Variants in DNAH11 observed in about 807,000 individuals in gnomAD.
DNAH11 encodes axonemal beta dynein heavy chain 11.
Under a neutral mutation model 526.0 loss-of-function variants are expected in DNAH11, and 442 were observed. The observed-to-expected ratio is 0.84, with a 90% CI of 0.78 to 0.91. DNAH11 has a LOEUF of 0.91. DNAH11 is among the 40% of genes least tolerant of loss of function. DNAH11 has a pLI of 0.00. For synonymous variants in DNAH11, 2,461 were observed against 1,935.9 expected (o/e 1.27, Z -7.12); for missense variants, 6,989 against 5,448.7 (o/e 1.28, Z -8.90).
In DNAH11 at chr7:21,683,928, A is replaced by G. The variant is rs1783253288; in HGVS notation, c.5605A>G (p.Thr1869Ala). 1 of 1,613,034 alleles carries G rather than the reference A, an allele frequency of 6.2e-7. No individual in the cohort carries two copies. The highest frequency in any genetic ancestry group is 8.5e-7 in the Non-Finnish European group (1 of 1,179,458). The change falls in exon 32 of 82, where the codon ACT becomes GCT. Residue 1869 changes from threonine (T) to alanine (A), a missense_variant. Transcript: ENST00000409508. ...AGGAAACAGCCCTCGACTAGTGATC[A>G]CTCCTCTAACTGACAGGTAACAATT... ...YLGNSPRLVI[T>A]PLTDRCYITL...
At chr7:21,753,105 T>G (rs190160981) in intron 54 of DNAH11, among the ~76,000 whole-genome samples, 1 of 152,304 alleles carries the variant, frequency 6.6e-6, no homozygotes, top group Admixed American at 6.5e-5. Context: ...TGGCTCAGTA[T>G]TACCCTTAGA....
At position 21,601,141 on chromosome 7, in the gene DNAH11, G is replaced by A; in HGVS notation, c.3387G>A (p.Trp1129Ter). The A allele has an allele frequency of 6.2e-7, 1 of 1,606,862 alleles. No individual in the cohort carries two copies. Among genetic ancestry groups the A allele is most frequent in the Non-Finnish European group, 8.5e-7 (1 of 1,178,556 alleles). ...TAACCATAATTAAGAAATGGAGCTG[G>A]ATGTTTCAGGAGCATCTTTTGAGAT... ...SLLTIIKKWS[W>*]MFQEHLLRFV... Residue 1129 changes from tryptophan (W) to a stop codon, truncating the protein, a stop_gained, in exon 17 of 82, where the codon TGG (tryptophan) becomes TGA (stop). Transcript: ENST00000409508. LOFTEE classifies it high-confidence loss of function.
Position 21,596,221 on chromosome 7 carries a change from A to G in DNAH11, c.2668-3566A>G, listed in dbSNP as rs568073040. ...ATAGCGTCCCAAGGCTGCCATGACA[A>G]GGTCCACAAACAGGCTGTCCTGAAA... is the stretch of plus-strand genomic sequence containing the variant. On this transcript the variant is annotated intron_variant, in intron 14 of 81. Transcript: ENST00000409508. Among the ~76,000 whole-genome samples the G allele has an allele frequency of 2.6e-5, 4 of 152,278 alleles. No individual in the cohort carries two copies. In the East Asian group the frequency reaches 5.8e-4, roughly 22 times the overall value.
chr7:21,749,064 T>C (rs559059374), intron 52 of DNAH11, among the ~76,000 whole-genome samples: 2 of 152,314 alleles, frequency 1.3e-5, no homozygotes, highest in East Asian at 3.9e-4. Flanking sequence ...GCTGTTAGTG[T>C]TCCTGTATGA....
chr7:21,750,239 T>C lies in DNAH11; in HGVS notation c.8815T>C (p.Phe2939Leu). Residue 2939 changes from phenylalanine (F) to leucine (L), a missense_variant, in exon 54 of 82, where the codon TTC becomes CTC. Physicochemically the swap from Phe to Leu is conservative, Grantham distance 22 (BLOSUM62 0). Transcript: ENST00000409508. ...TGGGGCAGGAGAAATCCCAGATCTG[T>C]TCAGCGATGAAGATGTGGACAAGAT... ...LLASGEIPDL[F>L]SDEDVDKIIS... 1 of 1,605,908 alleles carries C rather than the reference T, an allele frequency of 6.2e-7. No individual in the cohort carries two copies.
intron 42 of DNAH11, among the ~76,000 whole-genome samples, chr7:21,714,151 C>G (rs1223127514): frequency 6.6e-6 from 1 of 152,180 alleles, no homozygotes; most frequent in South Asian, 2.1e-4. Flanking sequence ...TGGTCCAAAT[C>G]CCTAAAGAAG....
At chr7:21,635,534 A>G (rs561541044) in intron 25 of DNAH11, among the ~76,000 whole-genome samples, 1 of 152,276 alleles carries the variant, frequency 6.6e-6, no homozygotes, top group South Asian at 2.1e-4. Context: ...AAGAGCAATG[A>G]AAGAATACAG....
intron 30 of DNAH11, among the ~76,000 whole-genome samples, chr7:21,668,651 C>T (rs1012018257): frequency 2.6e-5 from 4 of 152,110 alleles, no homozygotes; most frequent in East Asian, 1.9e-4. Context: ...TCATCTCTGT[C>T]GTTGCATGTA....
rs148673613 is a variant in DNAH11, at chr7:21,714,538, C to T, written c.6983+2678C>T. On this transcript the variant is annotated intron_variant, in intron 42 of 81. Coordinates refer to ENST00000409508, the MANE Select transcript of DNAH11 (RefSeq NM_001277115.2). The stretch of plus-strand genomic sequence containing the variant: ...ATATTAACAAAATGATAGCTTTATA[C>T]GTATTAATTCATTTAATACTCAGTT... 5.5e-3 allele frequency among the ~76,000 whole-genome samples: 832 copies of T among 152,200 alleles called. 8 individuals are homozygous for T. The highest frequency in any genetic ancestry group is 0.019 in the African/African-American group (773 of 41,542).
intron 6 of DNAH11, among the ~76,000 whole-genome samples, chr7:21,566,635 ATAAG>A (rs1056276986): frequency 3.3e-5 from 5 of 150,572 alleles, no homozygotes; most frequent in Non-Finnish European, 5.9e-5. Context: ...GCCTAAGAAG[ATAAG>A]TAACTCTCCA....
In DNAH11 at chr7:21,738,744, T is replaced by C. The variant is rs1473980616; in HGVS notation, c.7689T>C (p.Tyr2563=). The change falls in exon 47 of 82, where the codon TAT becomes TAC. Residue 2563 remains tyrosine, a synonymous_variant. Coordinates refer to ENST00000409508, the MANE Select transcript of DNAH11 (RefSeq NM_001277115.2). ...KPLEKKAGHN[Y]GPGGNKKLIY... is the part of the protein sequence containing the mutation. ...TAGAGAAAAAAGCTGGTCATAACTA[T>C]GGTCCTGGAGGAAATAAAAAATTGA... 6.3e-7 allele frequency: 1 copy of C among 1,586,106 alleles called. No individual in the cohort carries two copies. The highest frequency in any genetic ancestry group is 8.6e-7 in the Non-Finnish European group (1 of 1,165,630).
intron 30 of DNAH11, among the ~76,000 whole-genome samples, chr7:21,661,070 A>G (rs1647974642): frequency 6.6e-6 from 1 of 152,106 alleles, no homozygotes; most frequent in Non-Finnish European, 1.5e-5. Flanking sequence ...AGGCACTTAC[A>G]TTCTAGTTAA....
chr7:21,785,031 G>T (rs1384423143), intron 58 of DNAH11, among the ~76,000 whole-genome samples: 1 of 152,150 alleles, frequency 6.6e-6, no homozygotes. Context: ...CTCCCTAAGC[G>T]TTCACATTCT....
intron 30 of DNAH11, among the ~76,000 whole-genome samples, chr7:21,675,023 A>G (rs1782815146): frequency 6.6e-6 from 1 of 152,162 alleles, no homozygotes; most frequent in South Asian, 2.1e-4. Context: ...TCCTAGACCA[A>G]GCCACTCTCT....
intron 14 of DNAH11, among the ~76,000 whole-genome samples, chr7:21,598,152 A>G (rs190401268): frequency 2.0e-5 from 3 of 152,216 alleles, no homozygotes; most frequent in African/African-American, 7.2e-5. Flanking sequence ...ATCAAAGAAA[A>G]CAGAGAGTAT....
intron 54 of DNAH11, among the ~76,000 whole-genome samples, chr7:21,751,659 C>T (rs919398566): frequency 6.6e-6 from 1 of 152,162 alleles, no homozygotes; most frequent in Non-Finnish European, 1.5e-5. Context: ...CGGGTACTGG[C>T]ATTGGCCCTG....
chr7:21,549,507 G>A (rs1471748410), intron 2 of DNAH11, among the ~76,000 whole-genome samples: 3 of 152,178 alleles, frequency 2.0e-5, no homozygotes, highest in African/African-American at 7.2e-5. Flanking sequence ...GGGGGGTTGA[G>A]TTTTTTATTA....
rs555134001 is a variant in DNAH11, at chr7:21,806,030, A to G, written c.10166-1853A>G. ...TTCAAAATTAGAAATGGGTCACCCCAGCCAGGATGACATTACAGGCAATCT... is the reference window on the plus strand; with the variant it reads ...TTCAAAATTAGAAATGGGTCACCCCGGCCAGGATGACATTACAGGCAATCT... On this transcript the variant is annotated intron_variant, in intron 62 of 81. Coordinates refer to ENST00000409508, the MANE Select transcript of DNAH11 (RefSeq NM_001277115.2). Among the ~76,000 whole-genome samples, 263 of 152,330 alleles carry G rather than the reference A, an allele frequency of 1.7e-3. 1 individual carries two copies. The highest frequency in any genetic ancestry group is 5.8e-3 in the African/African-American group (242 of 41,592).
chr7:21,852,698 A>G (rs954358832), intron 67 of DNAH11, 67 bp downstream of exon 67: 15 of 1,479,938 alleles, frequency 1.0e-5, no homozygotes, highest in East Asian at 2.3e-5. Context: ...TGGGGTGGGC[A>G]GTGTGATCAG....
Sources: gnomAD v4.1 joint callset for allele counts (sites outside exome capture counted in the v4.1 genomes callset) on GRCh38, gnomAD v4.1.1 for gene constraint, MANE v1.5 for transcripts, NCBI Gene and HGNC (gene_info 2026-07-23, HGNC 2026-07-21) for gene names.